Variants in KLHL5 observed in about 807,000 individuals in gnomAD.
KLHL5 encodes the protein kelch-like protein 5.
KLHL5 carries 48 observed loss-of-function variants against 77.7 expected under a neutral mutation model. The ratio of observed to expected loss-of-function variants is 0.62; its 90% CI spans 0.49 to 0.79. The LOEUF is 0.79. Ranked by LOEUF, KLHL5 falls within the 30% of genes least tolerant of loss-of-function variation. The pLI, the probability that KLHL5 is intolerant of heterozygous loss-of-function variation, is 0.00. For missense variants in KLHL5, 723 were observed against 859.7 expected, an observed-to-expected ratio of 0.84 and a Z score of 1.99; for synonymous variants, 260 against 297.0, an observed-to-expected ratio of 0.88 and a Z score of 1.28.
At chr4:39,095,713 A>C (rs1024351444) in intron 5 of KLHL5, among the ~76,000 whole-genome samples, 11 of 151,998 alleles carry the variant, frequency 7.2e-5, no homozygotes, top group African/African-American at 2.7e-4. Context: ...TATACTATGG[A>C]GTATTATTCA....
intron 1 of KLHL5, among the ~76,000 whole-genome samples, chr4:39,051,422 C>G (rs1716637135): frequency 6.6e-6 from 1 of 151,224 alleles, no homozygotes; most frequent in South Asian, 2.1e-4. Flanking sequence ...AGATTAGATT[C>G]AGGTTGTAGA....
intron 5 of KLHL5, among the ~76,000 whole-genome samples, chr4:39,092,910 G>C (rs1173377753): frequency 6.6e-6 from 1 of 152,200 alleles, no homozygotes; most frequent in Non-Finnish European, 1.5e-5. Context: ...TGGTGGGAAT[G>C]TAAGACGGGG....
chr4:39,105,161 T>TG (rs1189896085), intron 7 of KLHL5, among the ~76,000 whole-genome samples: 1 of 151,884 alleles, frequency 6.6e-6, no homozygotes, highest in East Asian at 1.9e-4. Flanking sequence ...TTTTTTTTTT[T>TG]TTTGAGACAG....
chr4:39,110,011 T>C (rs1315628147), intron 8 of KLHL5, among the ~76,000 whole-genome samples: 3 of 152,242 alleles, frequency 2.0e-5, no homozygotes, highest in Non-Finnish European at 2.9e-5. Flanking sequence ...AGAAACCTTA[T>C]TTAGACTTCC....
intron 5 of KLHL5, among the ~76,000 whole-genome samples, chr4:39,090,693 C>T (rs1720451085): frequency 6.6e-6 from 1 of 152,156 alleles, no homozygotes; most frequent in South Asian, 2.1e-4. Context: ...AGGTGATCCA[C>T]CCACCTCGGC....
intron 8 of KLHL5, among the ~76,000 whole-genome samples, chr4:39,112,266 G>A (rs962080708): frequency 1.3e-5 from 2 of 152,142 alleles, no homozygotes; most frequent in African/African-American, 4.8e-5. Flanking sequence ...CATTTAGGTT[G>A]CTCACATGAT....
chr4:39,109,159 GA>G (rs1338125302), intron 8 of KLHL5, among the ~76,000 whole-genome samples: 5 of 152,026 alleles, frequency 3.3e-5, no homozygotes, highest in African/African-American at 9.7e-5. Flanking sequence ...GCGGTTGGTT[GA>G]AAAAAACCAA....
chr4:39,082,911 A>AATATTC (rs1560421469), intron 4 of KLHL5, among the ~76,000 whole-genome samples: 1 of 151,210 alleles, frequency 6.6e-6, no homozygotes, highest in Non-Finnish European at 1.5e-5. Context: ...GTTTTTGAGG[A>AATATTC]ATGTTGCCAC....
At chr4:39,103,117 G>A (rs1415470160) in intron 6 of KLHL5, among the ~76,000 whole-genome samples, 170 bp from the exon 7 acceptor site, 3 of 152,158 alleles carry the variant, frequency 2.0e-5, no homozygotes, top group African/African-American at 7.2e-5. Context: ...AATAGTAGGA[G>A]ATGAGGACAC....
intron 4 of KLHL5, among the ~76,000 whole-genome samples, chr4:39,082,635 A>G (rs1459471912): frequency 6.6e-6 from 1 of 152,234 alleles, no homozygotes; most frequent in East Asian, 1.9e-4. Flanking sequence ...TTTATTCATT[A>G]TAGCAAATTA....
Position 39,062,398 on chromosome 4 carries a change from G to A in KLHL5, c.-255G>A. The A allele has an allele frequency of 2.0e-6, 3 of 1,463,870 alleles. No individual in the cohort carries two copies. The highest frequency in any genetic ancestry group is 2.7e-6 in the Non-Finnish European group (3 of 1,115,666). The allele number at this position is 1,463,870 out of a possible 1,614,324, so 90.7% of individuals were successfully genotyped here. ...AAAGTGGTCTAGCTGCTTCAGGATA[G>A]GTGGATGAGAGTTTGCTCTGATTGA... On this transcript the variant is annotated 5_prime_UTR_variant, in exon 1 of 11. The change abolishes the stop of an existing upstream ORF in the 5' untranslated region. Transcript: ENST00000504108.
At chr4:39,100,384 A>G (rs1447523204) in intron 6 of KLHL5, among the ~76,000 whole-genome samples, 1 of 152,186 alleles carries the variant, frequency 6.6e-6, no homozygotes, top group Non-Finnish European at 1.5e-5. Flanking sequence ...TTCTGCTGCC[A>G]TCCTTCTAAT....
At chr4:39,111,985 C>T (rs1722480774) in intron 8 of KLHL5, among the ~76,000 whole-genome samples, 2 of 151,964 alleles carry the variant, frequency 1.3e-5, no homozygotes, top group Admixed American at 1.3e-4. Context: ...ATGATAAAAA[C>T]AGTTAAGTAT....
downstream of KLHL5, chr4:39,126,929 C>T (rs1469384166): frequency 8.4e-6 from 3 of 358,812 alleles, no homozygotes; most frequent in South Asian, 4.2e-5. Flanking sequence ...CCCTTGCTGA[C>T]GTCAAGGCAC....
rs545730588 is a variant in KLHL5 at position 39,063,110 on chromosome 4, T to A, written c.383+75T>A. ...TAATGTTTTTAAATAATTTAGTATTTATTATTTAAAATCTGATTATATATG... is the reference window on the plus strand; with the variant it reads ...TAATGTTTTTAAATAATTTAGTATTAATTATTTAAAATCTGATTATATATG... On this transcript the variant is annotated intron_variant, in intron 1 of 10. Transcript: ENST00000504108. The A allele has an allele frequency of 1.7e-5, 18 of 1,055,968 alleles. No individual in the cohort carries two copies. In the African/African-American group the frequency reaches 2.4e-4, roughly 14 times the overall value. 65.4% of individuals were successfully genotyped at this position (1,055,968 alleles called of 1,614,324 possible). A position where few individuals can be genotyped will look rare whatever the true frequency, so the allele number is the denominator to read the frequency against.
chr4:39,068,350 G>A (rs1238610608), intron 1 of KLHL5, among the ~76,000 whole-genome samples: 1 of 151,750 alleles, frequency 6.6e-6, no homozygotes, highest in Non-Finnish European at 1.5e-5. Flanking sequence ...ATATTGCATT[G>A]TCTCCCCTCT....
Position 39,121,180 on chromosome 4 carries a change from A to T in KLHL5, c.*114A>T. 1.2e-6 allele frequency: 1 copy of T among 810,710 alleles called. No individual in the cohort carries two copies. The highest frequency in any genetic ancestry group is 2.1e-6 in the Non-Finnish European group (1 of 485,196). 50.2% of individuals were successfully genotyped at this position (810,710 alleles called of 1,614,324 possible). A position where few individuals can be genotyped will look rare whatever the true frequency, so the allele number is the denominator to read the frequency against. On this transcript the variant is annotated 3_prime_UTR_variant, in exon 11 of 11. Transcript: ENST00000504108. ...GTGCATTGTCACAATCCTGGGCACA[A>T]AGTGCCTGATGTCAAAATGAAGATA...
chr4:39,096,947 GC>G, intron 6 of KLHL5, 69 bp downstream of exon 6: 2 of 1,278,364 alleles, frequency 1.6e-6, no homozygotes, highest in Non-Finnish European at 2.2e-6. Context: ...TGTATATATG[GC>G]CAAAGAACTC....
At position 39,067,762 on chromosome 4, in the gene KLHL5, T is replaced by G. The variant is rs893489320; in HGVS notation, c.383+4727T>G. Among the ~76,000 whole-genome samples, 4 of 151,458 alleles carry G rather than the reference T, an allele frequency of 2.6e-5. 1 individual carries two copies. The highest frequency in any genetic ancestry group is 5.9e-5 in the Non-Finnish European group (4 of 67,854). On this transcript the variant is annotated intron_variant, in intron 1 of 10. Coordinates refer to ENST00000504108, the MANE Select transcript of KLHL5 (RefSeq NM_015990.5). ...GTGGCGGGATCTTGGGTCACTGCAG[T>G]CTTTGCCTCCTGGGTTCAAGCGATT...
Sources: allele counts gnomAD v4.1 joint callset (sites outside exome capture counted in the v4.1 genomes callset), GRCh38; gene constraint gnomAD v4.1.1; transcripts MANE v1.5; gene names NCBI Gene and HGNC (gene_info 2026-07-23, HGNC 2026-07-21).